ABCA12: variants seen among roughly 807,000 people sequenced by gnomAD.
The protein encoded by ABCA12 is ATP binding cassette subfamily A member 12.
In ABCA12, 156 loss-of-function variants were observed where a neutral mutation model predicts 293.5. The ratio of observed to expected loss-of-function variants is 0.53; its 90% confidence interval spans 0.47 to 0.61. The LOEUF (loss-of-function observed/expected upper bound fraction) is 0.61. ABCA12 is among the 20% of genes least tolerant of loss of function. The pLI is 0.00. For missense variants in ABCA12, 2,797 were observed against 3,090.2 expected (o/e 0.91, Z 2.25); for synonymous variants, 1,063 against 1,108.0 (o/e 0.96, Z 0.81).
intron 1 of ABCA12, 69 bp downstream of exon 1, chr2:215,138,071 A>G: frequency 1.4e-6 from 2 of 1,450,598 alleles, no homozygotes; most frequent in South Asian, 2.3e-5. Context: ...CTTCTCATTA[A>G]GATCACATTT....
intron 45 of ABCA12, among the ~76,000 whole-genome samples, chr2:214,949,824 G>A (rs1271126064): frequency 6.6e-6 from 1 of 152,230 alleles, no homozygotes; most frequent in African/African-American, 2.4e-5. Context: ...CTACCCCACA[G>A]TAAGTGGACA....
chr2:215,014,908 CT>C (rs1435942139), intron 15 of ABCA12, among the ~76,000 whole-genome samples: 2 of 152,190 alleles, frequency 1.3e-5, no homozygotes, highest in Non-Finnish European at 1.5e-5. Context: ...TTATATTTTT[CT>C]TTCGGTTATT....
rs1433564722 is a variant in ABCA12, at chr2:215,067,282, C to G, written c.164-3063G>C. 1.3e-5 allele frequency among the ~76,000 whole-genome samples: 2 copies of G among 152,080 alleles called. 1 individual carries two copies. On this transcript the variant is annotated intron_variant, in intron 2 of 52. Transcript: ENST00000272895. Reference sequence around the variant, plus strand: ...GGATAAAGAAAAAAGAGAAGCCTCTCTCTTTCTTTCACGAAACTTCCATGC... The same window carrying G: ...GGATAAAGAAAAAAGAGAAGCCTCTGTCTTTCTTTCACGAAACTTCCATGC...
chr2:215,050,398 A>G (rs1701297035), intron 5 of ABCA12, among the ~76,000 whole-genome samples: 1 of 152,184 alleles, frequency 6.6e-6, no homozygotes. Flanking sequence ...CATAACTACT[A>G]AAAGTAGTCA....
intron 9 of ABCA12, among the ~76,000 whole-genome samples, chr2:215,028,189 G>C (rs1700791527): frequency 6.6e-6 from 1 of 152,200 alleles, no homozygotes; most frequent in Non-Finnish European, 1.5e-5. Context: ...TTATTAAAAT[G>C]CGAGTGGGAA....
At chr2:215,127,980 G>A (rs1235164439) in intron 1 of ABCA12, among the ~76,000 whole-genome samples, 1 of 152,178 alleles carries the variant, frequency 6.6e-6, no homozygotes, top group Non-Finnish European at 1.5e-5. Context: ...GGCAGTTCTT[G>A]TAGTGGTGCT....
intron 1 of ABCA12, among the ~76,000 whole-genome samples, chr2:215,123,334 G>A (rs772185566): frequency 9.9e-5 from 15 of 152,010 alleles, no homozygotes; most frequent in Non-Finnish European, 2.1e-4. Context: ...ACCACACCTG[G>A]CTAACTTTGT....
chr2:214,990,719 C>T lies in ABCA12; in HGVS notation c.3607G>A (p.Val1203Ile), dbSNP rs772794189. Residue 1203 changes from valine to isoleucine, a missense_variant, in exon 24 of 53, where the codon GTA becomes ATA. Val to Ile is a conservative substitution (Grantham distance 29). Transcript: ENST00000272895. Reference sequence around the variant, plus strand: ...TGACTTACCATGAACACTTTCAATACATAGCTCAACTCATTCTCCACTGTA... The same window carrying T: ...TGACTTACCATGAACACTTTCAATATATAGCTCAACTCATTCTCCACTGTA... Reference protein sequence around the residue: ...LVTVENELSYVLKVFMSLLSP... With the variant: ...LVTVENELSYILKVFMSLLSP... 3 of 1,614,058 alleles carry T rather than the reference C, an allele frequency of 1.9e-6. No individual in the cohort carries two copies. In the South Asian group the frequency reaches 3.3e-5, roughly 18 times the overall value.
chr2:214,980,526 T>C lies in ABCA12; in HGVS notation c.4697A>G (p.Glu1566Gly), dbSNP rs1028455057. ...RCCGSPFYLKEAFGDGYHLTL... is the reference protein window; with the variant it reads ...RCCGSPFYLKGAFGDGYHLTL... ...GAGGTGATACCCATCGCCAAAGGCT[T>C]CCTTGAGGTAAAATGGGGACCCACA... Residue 1566 changes from glutamate (E) to glycine (G), a missense_variant, in exon 31 of 53, where the codon GAA becomes GGA. Transcript: ENST00000272895. 2.5e-6 allele frequency: 4 copies of C among 1,613,844 alleles called. No homozygotes were observed. The African/African-American group carries it at 5.3e-5, about 22-fold the overall frequency.
intron 1 of ABCA12, among the ~76,000 whole-genome samples, chr2:215,134,614 T>TAGAGAGAG (rs1286743026): frequency 2.3e-5 from 2 of 86,298 alleles, no homozygotes; most frequent in African/African-American, 1.8e-4. Context: ...TATATATATA[T>TAGAGAGAG]ATAGAGAGAG....
intron 22 of ABCA12, chr2:214,999,657 T>C (rs1700101232): frequency 1.0e-5 from 3 of 287,916 alleles, no homozygotes; most frequent in Non-Finnish European, 1.6e-5. Context: ...TATAACTTCA[T>C]TGACCCCATA....
intron 3 of ABCA12, among the ~76,000 whole-genome samples, chr2:215,058,387 A>T (rs1701461919): frequency 6.6e-6 from 1 of 151,994 alleles, no homozygotes; most frequent in African/African-American, 2.4e-5. Context: ...CTGTGCAATG[A>T]CAGATAATGG....
In ABCA12 at chr2:214,932,424, A is replaced by T; in HGVS notation, c.*210T>A. 1.7e-6 allele frequency: 1 copy of T among 573,696 alleles called. No individual in the cohort carries two copies. Among genetic ancestry groups the T allele is most frequent in the Non-Finnish European group, 3.1e-6 (1 of 320,834 alleles). 35.5% of individuals were successfully genotyped at this position (573,696 alleles called of 1,614,324 possible). On this transcript the variant is annotated 3_prime_UTR_variant, in exon 53 of 53. Transcript: ENST00000272895. ...AGCATGCTCACAGTGTTGAGTATAC[A>T]GGAATTCATTTCAGTAGCAACAACA... is the stretch of plus-strand genomic sequence containing the variant.
chr2:214,953,553 A>G (rs780246126), intron 44 of ABCA12, among the ~76,000 whole-genome samples: 3 of 152,172 alleles, frequency 2.0e-5, no homozygotes, highest in Non-Finnish European at 4.4e-5. Context: ...CAAAGACTAC[A>G]TCTTTTGTTC....
chr2:214,987,758 T>G lies in ABCA12; in HGVS notation c.3865A>C (p.Ile1289Leu). Residue 1289 changes from isoleucine (I) to leucine (L), a missense_variant, in exon 27 of 53, where the codon ATT becomes CTT. Physicochemically the swap from Ile to Leu is conservative, Grantham distance 5. This residue lies in a region of ABCA12 where 2,130 missense variants were observed against 2,427.0 expected (regional missense o/e 0.88). Transcript: ENST00000272895. ...YGMAAPWYFP[I>L]LPSYWKERFG... is the part of the protein sequence containing the mutation. ...CGCTCCTTCCAATAGGAAGGAAGAA[T>G]TGGAAAATACCAGGGAGCTGCCATA... 2 of 1,613,986 alleles carry G rather than the reference T, an allele frequency of 1.2e-6. No individual in the cohort carries two copies. Among genetic ancestry groups the G allele is most frequent in the South Asian group, 2.2e-5 (2 of 91,046 alleles).
intron 23 of ABCA12, among the ~76,000 whole-genome samples, chr2:214,995,166 A>G (rs576768744): frequency 9.1e-4 from 139 of 152,316 alleles, no homozygotes; most frequent in African/African-American, 3.0e-3. Flanking sequence ...GATTCATGGA[A>G]TCATACCATA....
At chr2:215,013,109 T>G in intron 15 of ABCA12, 1 of 152,192 alleles carries the variant, frequency 6.6e-6, no homozygotes. Flanking sequence ...GTGATGGCTA[T>G]GCAGTGGTGC....
intron 3 of ABCA12, among the ~76,000 whole-genome samples, chr2:215,057,048 T>C (rs1701433138): frequency 6.6e-6 from 1 of 152,062 alleles, no homozygotes; most frequent in Non-Finnish European, 1.5e-5. Context: ...TGCCATGTCT[T>C]ATTTATCTTT....
chr2:214,995,635 C>T (rs1377603011), intron 23 of ABCA12, among the ~76,000 whole-genome samples: 2 of 152,076 alleles, frequency 1.3e-5, no homozygotes, highest in Non-Finnish European at 2.9e-5. Flanking sequence ...GGCAGTGGAG[C>T]GAGGCTGAGC....
Sources: gnomAD v4.1 joint callset for allele counts (sites outside exome capture counted in the v4.1 genomes callset) on GRCh38, gnomAD v4.1.1 for gene constraint, gnomAD v4.1.1 regional missense constraint, MANE v1.5 for transcripts, NCBI Gene and HGNC (gene_info 2026-07-23, HGNC 2026-07-21) for gene names.